The following CNOT6L variants were observed in gnomAD, a reference collection of about 807,000 sequenced individuals.
The protein encoded by CNOT6L is CCR4-NOT transcription complex subunit 6-like.
A neutral mutation model predicts 64.0 loss-of-function variants in CNOT6L; 7 were observed. The ratio of observed to expected loss-of-function variants is 0.11; its 90% CI spans 0.06 to 0.21. The LOEUF is 0.21. Among genes scored for constraint, CNOT6L ranks in the 10% least tolerant of loss-of-function variants. CNOT6L has a pLI of 1.00. For missense variants in CNOT6L, 245 were observed against 669.0 expected (o/e 0.37, Z 6.99); for synonymous variants, 193 against 243.4 (o/e 0.79, Z 1.93).
intron 5 of CNOT6L, among the ~76,000 whole-genome samples, chr4:77,750,470 G>A (rs904188057): frequency 2.6e-5 from 4 of 152,032 alleles, no homozygotes; most frequent in African/African-American, 9.7e-5. Flanking sequence ...TCCTGCCTCA[G>A]CCTCCCGAGT....
chr4:77,807,171 G>A (rs762287657), intron 1 of CNOT6L, among the ~76,000 whole-genome samples: 2 of 151,548 alleles, frequency 1.3e-5, no homozygotes, highest in Non-Finnish European at 1.5e-5. Context: ...CCAGCTACTC[G>A]GGAGGCTGAG....
chr4:77,761,500 T>C (rs1726224696), intron 4 of CNOT6L, among the ~76,000 whole-genome samples: 2 of 152,244 alleles, frequency 1.3e-5, no homozygotes, highest in South Asian at 4.1e-4. Context: ...CGTTTTGAGT[T>C]CTAAAGCATT....
chr4:77,733,405 C>T (rs1276853891), intron 8 of CNOT6L, among the ~76,000 whole-genome samples: 1 of 152,054 alleles, frequency 6.6e-6, no homozygotes, highest in Non-Finnish European at 1.5e-5. Context: ...AACAAGTTAA[C>T]TAAGCAGTAC....
intron 8 of CNOT6L, among the ~76,000 whole-genome samples, chr4:77,741,290 A>G (rs1398959768): frequency 1.3e-5 from 2 of 152,176 alleles, no homozygotes; most frequent in African/African-American, 2.4e-5. Flanking sequence ...TTAAAATAGC[A>G]TGTCATGCTG....
chr4:77,818,992 G>A (rs1315514299), intron 1 of CNOT6L: 2 of 668,186 alleles, frequency 3.0e-6, no homozygotes, highest in Admixed American at 2.1e-5. Flanking sequence ...CTCGGGAGCC[G>A]CAGCCACAAA....
chr4:77,813,477 A>C (rs1030858842), intron 1 of CNOT6L, among the ~76,000 whole-genome samples: 2 of 152,174 alleles, frequency 1.3e-5, no homozygotes, highest in Non-Finnish European at 2.9e-5. Context: ...GGAAAATGAA[A>C]AGACAACTCA....
chr4:77,778,888 A>G (rs76976129), intron 1 of CNOT6L, among the ~76,000 whole-genome samples: 1 of 151,646 alleles, frequency 6.6e-6, no homozygotes, highest in South Asian at 2.1e-4. Flanking sequence ...ACTAAAAAAA[A>G]TACAAAAAAT....
intron 4 of CNOT6L, among the ~76,000 whole-genome samples, 193 bp from the exon 5 acceptor site, chr4:77,757,144 G>A (rs1306869782): frequency 1.3e-5 from 2 of 151,746 alleles, no homozygotes; most frequent in Non-Finnish European, 2.9e-5. Flanking sequence ...TAAAATTTGG[G>A]CTTGTCCAAA....
chr4:77,748,234 T>A (rs1724428657), intron 6 of CNOT6L, 82 bp downstream of exon 6: 2 of 940,410 alleles, frequency 2.1e-6, no homozygotes, highest in Non-Finnish European at 3.4e-6. Flanking sequence ...AAAAATGAAG[T>A]CTTATTTATT....
chr4:77,763,415 C>T (rs1031093027), intron 4 of CNOT6L, among the ~76,000 whole-genome samples: 23 of 151,936 alleles, frequency 1.5e-4, no homozygotes, highest in African/African-American at 5.3e-4. Context: ...AAGCTCAGTA[C>T]CTAGTATTGG....
rs1720543235 is a variant in CNOT6L, at chr4:77,714,496, C to CA, written c.*5934_*5935insT. 1 of 144,950 alleles carries CA rather than the reference C, an allele frequency of 6.9e-6. No individual in the cohort carries two copies. 9.0% of individuals were successfully genotyped at this position (144,950 alleles called of 1,614,324 possible). A position where few individuals can be genotyped will look rare whatever the true frequency, so the allele number is the denominator to read the frequency against. The stretch of plus-strand genomic sequence containing the variant: ...AAAAAGCCCTCCATACTTCCCCACT[C>CA]CAGAGACAACAAAGCCAAAGATGAA... On this transcript the variant is annotated 3_prime_UTR_variant, in exon 12 of 12. Coordinates refer to ENST00000504123, the MANE Select transcript of CNOT6L (RefSeq NM_144571.3).
At chr4:77,735,227 T>G (rs753183669) in intron 8 of CNOT6L, among the ~76,000 whole-genome samples, 2 of 152,178 alleles carry the variant, frequency 1.3e-5, no homozygotes, top group Non-Finnish European at 2.9e-5. Flanking sequence ...AACACTTCAC[T>G]TTTCTCCGTA....
intron 1 of CNOT6L, among the ~76,000 whole-genome samples, chr4:77,778,867 A>C (rs867195185): frequency 3.3e-5 from 5 of 149,408 alleles, no homozygotes; most frequent in African/African-American, 9.8e-5. Flanking sequence ...ACACGGTGAA[A>C]CCCCGTCTCT....
intron 1 of CNOT6L, among the ~76,000 whole-genome samples, chr4:77,787,649 G>GTTCTT (rs912138762): frequency 6.6e-6 from 1 of 152,154 alleles, no homozygotes; most frequent in Non-Finnish European, 1.5e-5. Flanking sequence ...TTGAAACTCA[G>GTTCTT]AGAATCCACT....
intron 8 of CNOT6L, among the ~76,000 whole-genome samples, 172 bp downstream of exon 8, chr4:77,741,969 C>T (rs1723647768): frequency 1.3e-5 from 2 of 152,092 alleles, no homozygotes; most frequent in South Asian, 2.1e-4. Flanking sequence ...AATAAATATC[C>T]TTATTTCGAA....
intron 5 of CNOT6L, among the ~76,000 whole-genome samples, chr4:77,753,629 C>T (rs1453240436): frequency 6.6e-6 from 1 of 151,390 alleles, no homozygotes; most frequent in African/African-American, 2.4e-5. Flanking sequence ...CGAGATCATG[C>T]CACTGTACTC....
In CNOT6L at chr4:77,729,070, T is replaced by C. The variant is rs748133556; in HGVS notation, c.1036A>G (p.Ile346Val). 1.2e-6 allele frequency: 2 copies of C among 1,610,356 alleles called. No homozygotes were observed. Among genetic ancestry groups the C allele is most frequent in the East Asian group, 2.2e-5 (1 of 44,874 alleles). The change falls in exon 10 of 12, where the codon ATT (isoleucine) becomes GTT (valine). Residue 346 changes from isoleucine to valine, a missense_variant. Ile to Val is a conservative substitution (Grantham distance 29, BLOSUM62 3). Around this residue, in one of 10 missense-constraint regions of CNOT6L, gnomAD observed 94 missense variants for 290.9 expected, o/e 0.32. Coordinates refer to ENST00000504123, the MANE Select transcript of CNOT6L (RefSeq NM_144571.3). ...AGCAGCTGTTTGTCTGCAGCATGAA[T>C]AGGCTTCATACCTAAATTTAAACAT... ...KELFGAGMKP[I>V]HAADKQLLIV...
chr4:77,767,777 G>A (rs1281578520), intron 4 of CNOT6L, among the ~76,000 whole-genome samples: 7 of 151,830 alleles, frequency 4.6e-5, no homozygotes, highest in African/African-American at 1.2e-4. Flanking sequence ...TCAGGAGTTC[G>A]AGACCAGCCT....
At chr4:77,748,449 A>C in intron 5 of CNOT6L, 65 bp from the exon 6 acceptor site, 1 of 1,059,546 alleles carries the variant, frequency 9.4e-7, no homozygotes, top group Non-Finnish European at 1.5e-6. Flanking sequence ...TGTGTTTATA[A>C]TGTCAAAAAC....
Sources: allele counts gnomAD v4.1 joint callset (sites outside exome capture counted in the v4.1 genomes callset), GRCh38; gene constraint gnomAD v4.1.1; regional missense constraint gnomAD v4.1.1; transcripts MANE v1.5; gene names NCBI Gene and HGNC (gene_info 2026-07-23, HGNC 2026-07-21).